Variants in SRD5A2 observed in about 807,000 individuals in gnomAD.
SRD5A2 encodes the protein 3-oxo-5-alpha-steroid 4-dehydrogenase 2.
In SRD5A2, 30 loss-of-function variants were observed where a neutral mutation model predicts 27.4. That is an observed-to-expected ratio of 1.10 (90% CI 0.82 to 1.49). The LOEUF (loss-of-function observed/expected upper bound fraction) is 1.49. SRD5A2 is among the 40% of genes most tolerant of loss of function. The probability of loss-of-function intolerance (pLI) is 0.00; values close to 1 mark genes in which losing one functional copy is unlikely to be tolerated. For synonymous variants in SRD5A2, 141 were observed against 133.6 expected (o/e 1.06, Z -0.38); for missense variants, 348 against 323.4 (o/e 1.08, Z -0.58).
At chr2:31,569,674 A>AAAC (rs1186457163) in intron 1 of SRD5A2, among the ~76,000 whole-genome samples, 3 of 106,304 alleles carry the variant, frequency 2.8e-5, no homozygotes, top group African/African-American at 7.0e-5. Context: ...AAAAAACAAA[A>AAAC]AACAAAAAAA....
chr2:31,643,583 C>G, the SRD5A2 span, among the ~76,000 whole-genome samples: 1 of 151,866 alleles, frequency 6.6e-6, no homozygotes, highest in African/African-American at 2.4e-5. Flanking sequence ...ATAGCATTTT[C>G]CACCAAAAGG....
chr2:31,644,301 T>A, the SRD5A2 span, among the ~76,000 whole-genome samples: 1 of 152,156 alleles, frequency 6.6e-6, no homozygotes, highest in African/African-American at 2.4e-5. Context: ...TCCAGTTAAA[T>A]GACCAGAGAG....
At chr2:31,606,191 C>T in the SRD5A2 span, among the ~76,000 whole-genome samples, 202 of 151,682 alleles carry the variant, frequency 1.3e-3, 1 homozygote, top group South Asian at 4.2e-4. Context: ...TTAATGGGTA[C>T]GAAATGTAGA....
intron 1 of SRD5A2, among the ~76,000 whole-genome samples, chr2:31,551,582 G>C (rs1666381569): frequency 6.6e-6 from 1 of 152,104 alleles, no homozygotes. Flanking sequence ...TTATTTAATA[G>C]TACTGTGCTA....
At chr2:31,653,413 A>T in the SRD5A2 span, among the ~76,000 whole-genome samples, 3 of 152,326 alleles carry the variant, frequency 2.0e-5, no homozygotes, top group East Asian at 5.8e-4. Flanking sequence ...TACCCTCAGC[A>T]AAAGGAGTAG....
chr2:31,541,682 T>A (rs1356811088), intron 1 of SRD5A2, among the ~76,000 whole-genome samples: 1 of 152,178 alleles, frequency 6.6e-6, no homozygotes, highest in Non-Finnish European at 1.5e-5. Context: ...CTGAAGAAGG[T>A]AAGAAACATA....
the SRD5A2 span, among the ~76,000 whole-genome samples, chr2:31,600,209 A>G: frequency 6.6e-6 from 1 of 152,024 alleles, no homozygotes; most frequent in Admixed American, 6.6e-5. Flanking sequence ...TATATGTGCC[A>G]CATTTTTTTA....
chr2:31,529,976 T>C lies in SRD5A2; in HGVS notation c.548-519A>G, dbSNP rs28383061. 9.7e-3 allele frequency among the ~76,000 whole-genome samples: 1,480 copies of C among 152,290 alleles called. 22 individuals carry two copies. The highest frequency in any genetic ancestry group is 0.044 in the South Asian group (213 of 4,826). On this transcript the variant is annotated intron_variant, in intron 3 of 4. Coordinates refer to ENST00000622030, the MANE Select transcript of SRD5A2 (RefSeq NM_000348.4). ...CCCACCCTTCTGCAAAGCACTCTCCTCTGTTCATGTTTAAAGCAGAGAGTA... is the reference window on the plus strand; with the variant it reads ...CCCACCCTTCTGCAAAGCACTCTCCCCTGTTCATGTTTAAAGCAGAGAGTA...
chr2:31,628,647 C>G, the SRD5A2 span, among the ~76,000 whole-genome samples: 1 of 152,258 alleles, frequency 6.6e-6, no homozygotes, highest in East Asian at 1.9e-4. Context: ...CCTTCAGGAC[C>G]TCTTATAAGG....
chr2:31,561,567 C>T (rs2300697), intron 1 of SRD5A2, among the ~76,000 whole-genome samples: 92,883 of 152,008 alleles, frequency 0.61, 28,900 homozygotes, highest in African/African-American at 0.72. Context: ...AAGTTCCCTG[C>T]TTATGTTTTT....
At chr2:31,535,616 C>T (rs1572632809) in intron 1 of SRD5A2, among the ~76,000 whole-genome samples, 1 of 152,150 alleles carries the variant, frequency 6.6e-6, no homozygotes, top group African/African-American at 2.4e-5. Context: ...TCTGCTGTCT[C>T]CCTCTCCCCT....
intron 1 of SRD5A2, 66 bp downstream of exon 1, chr2:31,580,554 T>C (rs955059202): frequency 4.9e-6 from 7 of 1,423,832 alleles, no homozygotes; most frequent in East Asian, 5.1e-5. Flanking sequence ...CGCTCCACGC[T>C]GCGCTCCTGG....
chr2:31,643,514 T>C, the SRD5A2 span, among the ~76,000 whole-genome samples: 3 of 152,090 alleles, frequency 2.0e-5, no homozygotes, highest in Non-Finnish European at 4.4e-5. Context: ...TGAGGGGGCA[T>C]AGGACCAATG....
the SRD5A2 span, among the ~76,000 whole-genome samples, chr2:31,610,882 T>C: frequency 6.6e-6 from 1 of 151,748 alleles, no homozygotes; most frequent in Non-Finnish European, 1.5e-5. Context: ...CCAAGGAGGG[T>C]GGATCACCTG....
At chr2:31,655,122 A>G in the SRD5A2 span, among the ~76,000 whole-genome samples, 1 of 152,094 alleles carries the variant, frequency 6.6e-6, no homozygotes, top group African/African-American at 2.4e-5. Flanking sequence ...TTTATCTTAG[A>G]TGGAGTTTCA....
At chr2:31,575,991 G>A (rs2148102628) in intron 1 of SRD5A2, among the ~76,000 whole-genome samples, 1 of 152,252 alleles carries the variant, frequency 6.6e-6, no homozygotes, top group African/African-American at 2.4e-5. Flanking sequence ...TCAACAAGAG[G>A]TGAGATGGAT....
chr2:31,637,038 T>C, the SRD5A2 span, among the ~76,000 whole-genome samples: 1 of 152,112 alleles, frequency 6.6e-6, no homozygotes, highest in East Asian at 1.9e-4. Context: ...AAAGTTTGAA[T>C]AGAACTGGTA....
At chr2:31,557,942 C>CTAGTGCTA (rs1666532225) in intron 1 of SRD5A2, among the ~76,000 whole-genome samples, 1 of 152,220 alleles carries the variant, frequency 6.6e-6, no homozygotes, top group Non-Finnish European at 1.5e-5. Flanking sequence ...TCTGATAGGA[C>CTAGTGCTA]TAGTGCTATC....
chr2:31,661,908 T>C, the SRD5A2 span, among the ~76,000 whole-genome samples: 5 of 152,312 alleles, frequency 3.3e-5, no homozygotes, highest in African/African-American at 9.6e-5. Context: ...TCTTCAAATT[T>C]ATAATCCTTT....
Sources: allele counts gnomAD v4.1 joint callset (sites outside exome capture counted in the v4.1 genomes callset), GRCh38; gene constraint gnomAD v4.1.1; transcripts MANE v1.5; gene names NCBI Gene and HGNC (gene_info 2026-07-23, HGNC 2026-07-21).